Variants in CTNNA2 observed in about 807,000 individuals in gnomAD.
CTNNA2 encodes the protein catenin alpha-2.
Under a neutral mutation model 101.0 loss-of-function variants are expected in CTNNA2, and 42 were observed. The ratio of observed to expected loss-of-function variants is 0.42; its 90% CI spans 0.32 to 0.54. The LOEUF (loss-of-function observed/expected upper bound fraction) is 0.54, where lower values mean the gene tolerates loss of function less well. CTNNA2 is among the 20% of genes least tolerant of loss of function. The pLI is 0.14. For missense variants in CTNNA2, 871 were observed against 1,223.1 expected, an observed-to-expected ratio of 0.71 and a Z score of 4.29; for synonymous variants, 450 against 456.4, an observed-to-expected ratio of 0.99 and a Z score of 0.18.
At chr2:80,577,720 G>A (rs949135013) in intron 13 of CTNNA2, among the ~76,000 whole-genome samples, 4 of 151,374 alleles carry the variant, frequency 2.6e-5, no homozygotes, top group Non-Finnish European at 4.4e-5. Flanking sequence ...TTTACCTTTG[G>A]ATCTCTAATT....
intron 9 of CTNNA2, among the ~76,000 whole-genome samples, chr2:80,423,419 T>C (rs1174939729): frequency 6.6e-6 from 1 of 152,226 alleles, no homozygotes; most frequent in East Asian, 1.9e-4. Flanking sequence ...AAAACTTATA[T>C]ATTGAGTTCA....
chr2:79,517,627 T>A (rs1480707034), intron 1 of CTNNA2, among the ~76,000 whole-genome samples: 1 of 152,228 alleles, frequency 6.6e-6, no homozygotes, highest in Admixed American at 6.5e-5. Context: ...TAGTCAGCTT[T>A]ATATTATACT....
intron 15 of CTNNA2, among the ~76,000 whole-genome samples, chr2:80,596,926 T>G (rs966045628): frequency 6.6e-6 from 1 of 152,186 alleles, no homozygotes; most frequent in Non-Finnish European, 1.5e-5. Flanking sequence ...GAAGTGATGT[T>G]GAATTTTATC....
At chr2:79,278,622 C>T (rs905495327) in intron 2 of CTNNA2, among the ~76,000 whole-genome samples, 2 of 152,036 alleles carry the variant, frequency 1.3e-5, no homozygotes, top group African/African-American at 4.8e-5. Flanking sequence ...CAGTGAAATC[C>T]TAATTTTTTC....
chr2:80,257,387 G>C (rs185662819), intron 7 of CTNNA2, among the ~76,000 whole-genome samples: 9 of 152,142 alleles, frequency 5.9e-5, no homozygotes, highest in Admixed American at 5.9e-4. Flanking sequence ...ATAATAATGA[G>C]ACCAACCCTA....
chr2:79,888,787 T>C (rs1684082288), intron 6 of CTNNA2, among the ~76,000 whole-genome samples: 1 of 152,210 alleles, frequency 6.6e-6, no homozygotes, highest in Non-Finnish European at 1.5e-5. Context: ...TTCACCTTTA[T>C]TTCAAGTTAG....
At chr2:79,813,436 A>G (rs1268947826) in intron 3 of CTNNA2, among the ~76,000 whole-genome samples, 1 of 152,188 alleles carries the variant, frequency 6.6e-6, no homozygotes, top group South Asian at 2.1e-4. Context: ...TCAAGCTAAT[A>G]AGTCTTATTG....
At chr2:79,277,292 TA>T (rs1489289258) in intron 2 of CTNNA2, among the ~76,000 whole-genome samples, 1 of 152,154 alleles carries the variant, frequency 6.6e-6, no homozygotes, top group East Asian at 1.9e-4. Context: ...TTTTTGAATA[TA>T]CGGCTGCTTC....
chr2:79,859,420 T>G (rs1681410258), intron 4 of CTNNA2, among the ~76,000 whole-genome samples: 1 of 152,166 alleles, frequency 6.6e-6, no homozygotes, highest in Admixed American at 6.5e-5. Flanking sequence ...GCAGGATCTT[T>G]TACCGAAGGT....
intron 2 of CTNNA2, among the ~76,000 whole-genome samples, chr2:79,710,110 G>C (rs1685647535): frequency 1.3e-5 from 2 of 152,002 alleles, no homozygotes; most frequent in Non-Finnish European, 2.9e-5. Flanking sequence ...TCATCCTGCA[G>C]AATTGGTGGG....
intron 9 of CTNNA2, among the ~76,000 whole-genome samples, chr2:80,425,078 C>A (rs1310554123): frequency 6.6e-6 from 1 of 152,162 alleles, no homozygotes; most frequent in Non-Finnish European, 1.5e-5. Flanking sequence ...ATTAGCAAAT[C>A]CCGGCGAGGG....
At chr2:80,116,919 G>GTGTGTC (rs1701557975) in intron 7 of CTNNA2, among the ~76,000 whole-genome samples, 1 of 151,876 alleles carries the variant, frequency 6.6e-6, no homozygotes, top group South Asian at 2.1e-4. Flanking sequence ...GTGTGTGTGT[G>GTGTGTC]TGTGTGTGTG....
At chr2:79,419,242 T>A (rs1042204355) in intron 4 of CTNNA2, among the ~76,000 whole-genome samples, 1 of 152,160 alleles carries the variant, frequency 6.6e-6, no homozygotes, top group Non-Finnish European at 1.5e-5. Context: ...AAGAATAATT[T>A]TCAAAAAATA....
intron 4 of CTNNA2, among the ~76,000 whole-genome samples, chr2:79,449,854 G>A (rs1225968704): frequency 6.6e-6 from 1 of 151,976 alleles, no homozygotes; most frequent in Non-Finnish European, 1.5e-5. Flanking sequence ...AATGTGTGGG[G>A]TCACACTCAA....
rs990570937 is a variant in CTNNA2, at chr2:79,319,392, G to A, written c.-318+6596G>A. On this transcript the variant is annotated intron_variant, in intron 3 of 21. Coordinates refer to the CTNNA2 transcript ENST00000466387. The stretch of plus-strand genomic sequence containing the variant: ...ATTGCAAGGGAGCTAGAACATGAAG[G>A]CTAGAACTCTGTCATATTGCCATAT... 2.0e-5 allele frequency among the ~76,000 whole-genome samples: 3 copies of A among 152,086 alleles called. No homozygotes were observed. In the East Asian group the frequency reaches 5.8e-4, roughly 29 times the overall value.
intron 3 of CTNNA2, among the ~76,000 whole-genome samples, chr2:79,820,791 C>T (rs917643616): frequency 3.3e-5 from 5 of 152,110 alleles, no homozygotes; most frequent in African/African-American, 1.2e-4. Context: ...TGATGCTTAG[C>T]TGCAGATCTG....
chr2:79,872,015 A>G (rs371969846), intron 5 of CTNNA2, among the ~76,000 whole-genome samples: 11 of 152,350 alleles, frequency 7.2e-5, no homozygotes, highest in South Asian at 2.1e-4. Flanking sequence ...GGAAAAACAC[A>G]TAATACCCTA....
intron 2 of CTNNA2, among the ~76,000 whole-genome samples, chr2:79,213,347 C>T (rs1310944465): frequency 6.6e-6 from 1 of 152,066 alleles, no homozygotes; most frequent in Non-Finnish European, 1.5e-5. Flanking sequence ...TGATAGAGGA[C>T]CCTTGTGTAG....
chr2:80,636,897 ACT>A (rs1475083683), intron 18 of CTNNA2, among the ~76,000 whole-genome samples: 1 of 152,130 alleles, frequency 6.6e-6, no homozygotes, highest in Non-Finnish European at 1.5e-5. Context: ...CTCAGTCTTG[ACT>A]ACCCCTTTAT....
Sources: allele counts gnomAD v4.1 joint callset (sites outside exome capture counted in the v4.1 genomes callset), GRCh38; gene constraint gnomAD v4.1.1; transcripts MANE v1.5; gene names NCBI Gene and HGNC (gene_info 2026-07-23, HGNC 2026-07-21).